The following NPAS3 variants were observed in gnomAD, a reference collection of about 807,000 sequenced individuals.
NPAS3 encodes neuronal PAS domain protein 3, also known as neuronal PAS domain-containing protein 3.
Under a neutral mutation model 73.1 loss-of-function variants are expected in NPAS3, and 14 were observed. The observed-to-expected ratio is 0.19, with a 90% CI of 0.13 to 0.30. NPAS3 has a LOEUF of 0.30. Among genes scored for constraint, NPAS3 ranks in the 10% least tolerant of loss-of-function variants. The pLI, the probability that NPAS3 is intolerant of heterozygous loss-of-function variation, is 1.00. For synonymous variants in NPAS3, 620 were observed against 541.5 expected (o/e 1.14, Z -2.01); for missense variants, 1,096 against 1,250.0 (o/e 0.88, Z 1.86).
At chr14:33,390,858 C>T (rs2046971859) in intron 4 of NPAS3, among the ~76,000 whole-genome samples, 1 of 151,980 alleles carries the variant, frequency 6.6e-6, no homozygotes, top group Admixed American at 6.6e-5. Context: ...CATTCCTGAA[C>T]AGTCTCAAAA....
At chr14:33,589,031 T>G (rs2056967643) in intron 5 of NPAS3, among the ~76,000 whole-genome samples, 1 of 152,194 alleles carries the variant, frequency 6.6e-6, no homozygotes, top group East Asian at 1.9e-4. Flanking sequence ...TGGTAGAATC[T>G]TTCTCAAACC....
intron 6 of NPAS3, among the ~76,000 whole-genome samples, chr14:33,682,877 G>A (rs1386233112): frequency 1.3e-5 from 2 of 152,166 alleles, no homozygotes; most frequent in East Asian, 3.8e-4. Flanking sequence ...CGATAGCTGA[G>A]CTCCACCCTT....
intron 6 of NPAS3, among the ~76,000 whole-genome samples, chr14:33,686,602 A>G (rs949615370): frequency 6.6e-6 from 1 of 152,142 alleles, no homozygotes; most frequent in African/African-American, 2.4e-5. Flanking sequence ...ACTATTGAAG[A>G]TGTTATTATT....
At chr14:33,167,416 C>CA (rs1207823828) in intron 2 of NPAS3, among the ~76,000 whole-genome samples, 2 of 152,068 alleles carry the variant, frequency 1.3e-5, no homozygotes, top group African/African-American at 4.8e-5. Flanking sequence ...CACGCACAAA[C>CA]AGACACACAC....
At chr14:33,512,760 G>A (rs188017835) in intron 4 of NPAS3, among the ~76,000 whole-genome samples, 164 of 152,078 alleles carry the variant, frequency 1.1e-3, no homozygotes, top group African/African-American at 3.7e-3. Flanking sequence ...TTTATTTCTC[G>A]TAGATGTGGA....
chr14:33,574,684 G>T (rs975174679), intron 5 of NPAS3, among the ~76,000 whole-genome samples: 4 of 152,156 alleles, frequency 2.6e-5, no homozygotes, highest in Admixed American at 2.6e-4. Context: ...AGAAGCTGGG[G>T]TGTATAGAAA....
upstream of NPAS3, chr14:32,934,981 G>A (rs1402278940): frequency 5.2e-6 from 7 of 1,334,102 alleles, no homozygotes; most frequent in Non-Finnish European, 6.8e-6. The surrounding 1 kb of genome is among the most constrained non-coding windows in gnomAD (Gnocchi z 4.1). Context: ...GAACGTCCAG[G>A]GCATCACCTC....
At chr14:33,242,123 G>A (rs542497854) in intron 3 of NPAS3, among the ~76,000 whole-genome samples, 1 of 152,074 alleles carries the variant, frequency 6.6e-6, no homozygotes, top group Non-Finnish European at 1.5e-5. Flanking sequence ...GCTATCTTAT[G>A]ATTCTTCAGT....
At chr14:33,127,630 C>G (rs945988358) in intron 2 of NPAS3, among the ~76,000 whole-genome samples, 2 of 152,090 alleles carry the variant, frequency 1.3e-5, no homozygotes, top group Non-Finnish European at 2.9e-5. Flanking sequence ...TTGGGTCTTA[C>G]TGTCCTAGAA....
intron 2 of NPAS3, among the ~76,000 whole-genome samples, chr14:33,089,909 G>GTT (rs1359581855): frequency 6.6e-6 from 1 of 152,148 alleles, no homozygotes; most frequent in Admixed American, 6.5e-5. Context: ...AGCTTCATAA[G>GTT]TGAAGGAGAA....
chr14:33,289,224 CAT>C (rs1330759891), intron 3 of NPAS3, among the ~76,000 whole-genome samples: 2 of 152,116 alleles, frequency 1.3e-5, no homozygotes, highest in Non-Finnish European at 2.9e-5. Context: ...TTTCTGAAAA[CAT>C]GTGCCTCGTA....
chr14:33,259,537 C>T (rs1329763057), intron 3 of NPAS3, among the ~76,000 whole-genome samples: 3 of 152,136 alleles, frequency 2.0e-5, no homozygotes, highest in African/African-American at 7.2e-5. Flanking sequence ...AAATTATAAT[C>T]GCACTCAATA....
intron 3 of NPAS3, among the ~76,000 whole-genome samples, chr14:33,252,164 T>C (rs1339070763): frequency 6.6e-6 from 1 of 151,824 alleles, no homozygotes; most frequent in Admixed American, 6.6e-5. Context: ...GTGATTTATC[T>C]AGTGACTATG....
chr14:33,744,317 G>A (rs1411855295), intron 7 of NPAS3, among the ~76,000 whole-genome samples: 1 of 152,160 alleles, frequency 6.6e-6, no homozygotes, highest in African/African-American at 2.4e-5. Flanking sequence ...GAATAAGGAG[G>A]CCTGAGGAGA....
At chr14:33,629,752 T>C (rs986340655) in intron 5 of NPAS3, among the ~76,000 whole-genome samples, 61 of 152,210 alleles carry the variant, frequency 4.0e-4, no homozygotes, top group East Asian at 3.9e-4. Context: ...TTCTATTTTT[T>C]TTTTTCCATT....
At chr14:33,227,345 G>A (rs543993329) in intron 3 of NPAS3, among the ~76,000 whole-genome samples, 1 of 152,208 alleles carries the variant, frequency 6.6e-6, no homozygotes, top group African/African-American at 2.4e-5. Context: ...GTTGCTATAC[G>A]AACAACTCCA....
intron 2 of NPAS3, among the ~76,000 whole-genome samples, chr14:33,164,053 T>G (rs965050557): frequency 6.6e-6 from 1 of 152,220 alleles, no homozygotes; most frequent in Non-Finnish European, 1.5e-5. Flanking sequence ...AGCTTGCCTG[T>G]TGGTTTTTGC....
intron 1 of NPAS3, among the ~76,000 whole-genome samples, chr14:33,005,776 T>A (rs1485235361): frequency 6.6e-6 from 1 of 152,208 alleles, no homozygotes; most frequent in Non-Finnish European, 1.5e-5. Context: ...CTCATTTTTT[T>A]AAATGTCGGC....
chr14:32,969,553 G>T (rs116115892), intron 1 of NPAS3, among the ~76,000 whole-genome samples: 1,607 of 152,236 alleles, frequency 0.011, 34 homozygotes, highest in African/African-American at 0.035. Context: ...ATTGCACATG[G>T]ATAGGATTGG....
Sources: allele counts gnomAD v4.1 joint callset (sites outside exome capture counted in the v4.1 genomes callset), GRCh38; gene constraint gnomAD v4.1.1; non-coding constraint Gnocchi (gnomAD v3.1); transcripts MANE v1.5; gene names NCBI Gene and HGNC (gene_info 2026-07-23, HGNC 2026-07-21).